Variants in SAMMSON observed in about 807,000 individuals in gnomAD.
The protein encoded by SAMMSON is long intergenic non-protein coding RNA 1212.
chr3:70,333,592 C>T (rs2106723903), intron 7 of SAMMSON, among the ~76,000 whole-genome samples: 1 of 152,244 alleles, frequency 6.6e-6, no homozygotes, highest in East Asian at 1.9e-4. Flanking sequence ...CCATCCGGGC[C>T]TTGATTTTAT....
intron 3 of SAMMSON, among the ~76,000 whole-genome samples, chr3:70,051,493 G>A (rs2067146073): frequency 6.7e-6 from 1 of 148,774 alleles, no homozygotes; most frequent in African/African-American, 2.5e-5. Context: ...AATAGAATAG[G>A]GGATTGATAA....
chr3:70,047,057 G>A (rs2067129440), intron 3 of SAMMSON, among the ~76,000 whole-genome samples: 1 of 152,108 alleles, frequency 6.6e-6, no homozygotes, highest in Non-Finnish European at 1.5e-5. Context: ...CATACTCACA[G>A]GTTCCAGGGA....
At chr3:70,040,995 C>T (rs1002648307) in intron 3 of SAMMSON, among the ~76,000 whole-genome samples, 3 of 152,072 alleles carry the variant, frequency 2.0e-5, no homozygotes, top group Admixed American at 6.6e-5. Flanking sequence ...AAACTCTCAG[C>T]GAGCTCCTTT....
intron 9 of SAMMSON, among the ~76,000 whole-genome samples, chr3:70,377,106 T>C (rs569107086): frequency 6.6e-6 from 1 of 152,212 alleles, no homozygotes; most frequent in Non-Finnish European, 1.5e-5. Flanking sequence ...ATTAGAAGTA[T>C]AAAAGTTCTT....
intron 4 of SAMMSON, among the ~76,000 whole-genome samples, chr3:70,244,315 T>G (rs1203334131): frequency 6.6e-6 from 1 of 152,204 alleles, no homozygotes; most frequent in Non-Finnish European, 1.5e-5. Context: ...AGTGTAGACT[T>G]TTTCATGTTT....
rs546091079 is a variant in SAMMSON at position 70,131,632 on chromosome 3, G to A, written n.507+60067G>A. On this transcript the variant is annotated intron_variant and non_coding_transcript_variant, in intron 4 of 9. Coordinates refer to ENST00000642114, the Ensembl canonical transcript of SAMMSON. ...TAGAGGGTTTCGCTTTGCTGCTGGA[G>A]CCCAGTGGCATGATCATGGCTCATT... Among the ~76,000 whole-genome samples, 10 of 152,252 alleles carry A rather than the reference G, an allele frequency of 6.6e-5. No homozygotes were observed. The East Asian group carries it at 1.9e-3, about 29-fold the overall frequency.
At chr3:70,052,931 C>G (rs2067151803) in intron 3 of SAMMSON, among the ~76,000 whole-genome samples, 1 of 152,098 alleles carries the variant, frequency 6.6e-6, no homozygotes, top group Non-Finnish European at 1.5e-5. Context: ...CCTTTTCTTT[C>G]TGCTTCTCTT....
chr3:70,244,322 G>A (rs1274210465), intron 4 of SAMMSON, among the ~76,000 whole-genome samples: 1 of 152,088 alleles, frequency 6.6e-6, no homozygotes, highest in Non-Finnish European at 1.5e-5. Flanking sequence ...ACTTTTTCAT[G>A]TTTAACATTT....
chr3:70,269,628 T>C (rs148693525), intron 6 of SAMMSON, among the ~76,000 whole-genome samples: 85 of 152,310 alleles, frequency 5.6e-4, no homozygotes, highest in African/African-American at 2.0e-3. Flanking sequence ...TTCAATTAAA[T>C]TATGTTAATT....
chr3:70,165,222 A>G (rs1299335005), intron 4 of SAMMSON, among the ~76,000 whole-genome samples: 1 of 152,024 alleles, frequency 6.6e-6, no homozygotes. Context: ...GATGATATGG[A>G]AAGAACAAGA....
rs1014937331 is a variant in SAMMSON, at chr3:70,106,518, T to C, written n.507+34953T>C. 4.6e-5 allele frequency among the ~76,000 whole-genome samples: 7 copies of C among 151,984 alleles called. No individual in the cohort carries two copies. The South Asian group carries it at 6.3e-4, about 14-fold the overall frequency. ...ACCATGCCTGGCTATTTTTTTTTTTTTTCTAGAGATAGAGTCTTGGTATGT... is the reference window on the plus strand; with the variant it reads ...ACCATGCCTGGCTATTTTTTTTTTTCTTCTAGAGATAGAGTCTTGGTATGT... On this transcript the variant is annotated intron_variant and non_coding_transcript_variant, in intron 4 of 9. Coordinates refer to ENST00000642114, the Ensembl canonical transcript of SAMMSON.
At chr3:70,085,661 C>G (rs970140302) in intron 4 of SAMMSON, among the ~76,000 whole-genome samples, 1 of 152,108 alleles carries the variant, frequency 6.6e-6, no homozygotes, top group Non-Finnish European at 1.5e-5. Flanking sequence ...TTTTATGTTT[C>G]TTCTGGATTT....
At chr3:70,055,711 GTGT>G (rs1159261823) in intron 3 of SAMMSON, among the ~76,000 whole-genome samples, 20 of 152,212 alleles carry the variant, frequency 1.3e-4, no homozygotes, top group Non-Finnish European at 2.8e-4. Flanking sequence ...TCTAAATAAT[GTGT>G]TGTTGTATGT....
At chr3:70,252,668 A>G (rs1029262153) in intron 6 of SAMMSON, among the ~76,000 whole-genome samples, 1 of 152,210 alleles carries the variant, frequency 6.6e-6, no homozygotes, top group African/African-American at 2.4e-5. Flanking sequence ...TTCATCATTC[A>G]GGCACTGTAT....
intron 7 of SAMMSON, among the ~76,000 whole-genome samples, chr3:70,347,728 C>T (rs929276039): frequency 1.3e-5 from 2 of 152,146 alleles, no homozygotes; most frequent in African/African-American, 4.8e-5. Context: ...GCAAGCAATA[C>T]ACATCAGAAA....
chr3:70,299,321 GT>G (rs11321493), intron 7 of SAMMSON, among the ~76,000 whole-genome samples: 31,544 of 151,864 alleles, frequency 0.21, 3,462 homozygotes, highest in South Asian at 0.28. Flanking sequence ...AAATTTGTGC[GT>G]TATTTGTATA....
chr3:70,287,137 G>T, intron 6 of SAMMSON, among the ~76,000 whole-genome samples: 1 of 136,378 alleles, frequency 7.3e-6, no homozygotes, highest in Admixed American at 7.3e-5. Flanking sequence ...TCTTGTGCCA[G>T]TTTTCAAAGG....
At chr3:70,052,124 A>G (rs935531008) in intron 3 of SAMMSON, among the ~76,000 whole-genome samples, 1 of 152,080 alleles carries the variant, frequency 6.6e-6, no homozygotes, top group African/African-American at 2.4e-5. Flanking sequence ...ATAATAAAAA[A>G]GAGAGAGAAT....
chr3:70,032,069 A>G (rs2067068301), intron 3 of SAMMSON, among the ~76,000 whole-genome samples: 1 of 152,226 alleles, frequency 6.6e-6, no homozygotes, highest in Non-Finnish European at 1.5e-5. Context: ...GGCACACTCA[A>G]TCAAAGGCAC....
Sources: gnomAD v4.1 joint callset for allele counts (sites outside exome capture counted in the v4.1 genomes callset) on GRCh38, gnomAD v4.1.1 for gene constraint, MANE v1.5 for transcripts, NCBI Gene and HGNC (gene_info 2026-07-23, HGNC 2026-07-21) for gene names.